Variants in TMEM132C observed in about 807,000 individuals in gnomAD.
The protein encoded by TMEM132C is protein phosphatase 1, regulatory subunit 152.
A neutral mutation model predicts 61.4 loss-of-function variants in TMEM132C; 29 were observed. The ratio of observed to expected loss-of-function variants is 0.47; its 90% CI spans 0.35 to 0.64. TMEM132C has a LOEUF of 0.64. TMEM132C is among the 30% of genes least tolerant of loss of function. The probability of loss-of-function intolerance (pLI) is 0.00; values close to 1 mark genes in which losing one functional copy is unlikely to be tolerated. For missense variants in TMEM132C, 1,408 were observed against 1,476.9 expected, an observed-to-expected ratio of 0.95 and a Z score of 0.76; for synonymous variants, 656 against 633.1, an observed-to-expected ratio of 1.04 and a Z score of -0.54.
intron 2 of TMEM132C, among the ~76,000 whole-genome samples, chr12:128,541,734 G>A (rs1873761142): frequency 6.6e-6 from 1 of 152,208 alleles, no homozygotes; most frequent in Non-Finnish European, 1.5e-5. Context: ...TGCACTTGCT[G>A]ACTTCAGGCT....
rs894093475 is a variant in TMEM132C at position 128,680,328 on chromosome 12, C to T, written c.1449+10768C>T. 3.3e-5 allele frequency among the ~76,000 whole-genome samples: 5 copies of T among 152,162 alleles called. No homozygotes were observed. The East Asian group carries it at 7.7e-4, about 23-fold the overall frequency. On this transcript the variant is annotated intron_variant, in intron 5 of 8. Coordinates refer to ENST00000435159, the MANE Select transcript of TMEM132C (RefSeq NM_001136103.3). ...GCCGCACAGCTGATTAGTAGCAGAGCCAGGATTCGAACTCAGGTCTGCCTG... is the reference window on the plus strand; with the variant it reads ...GCCGCACAGCTGATTAGTAGCAGAGTCAGGATTCGAACTCAGGTCTGCCTG...
intron 1 of TMEM132C, among the ~76,000 whole-genome samples, chr12:128,287,967 C>T (rs1384674937): frequency 6.6e-6 from 1 of 151,820 alleles, no homozygotes; most frequent in Non-Finnish European, 1.5e-5. Context: ...CCCTTCCGGA[C>T]ATTGAGTTCT....
chr12:128,628,064 A>G (rs1954033697), intron 4 of TMEM132C, among the ~76,000 whole-genome samples: 1 of 152,066 alleles, frequency 6.6e-6, no homozygotes, highest in Non-Finnish European at 1.5e-5. Flanking sequence ...CATCTGTGCC[A>G]TCCCTCGAAA....
At chr12:128,531,068 G>A (rs1049684284) in intron 2 of TMEM132C, among the ~76,000 whole-genome samples, 15 of 151,902 alleles carry the variant, frequency 9.9e-5, no homozygotes, top group African/African-American at 3.6e-4. Flanking sequence ...GTTCTTGGGA[G>A]CAAACTTACA....
At chr12:128,624,409 T>C (rs990786020) in intron 4 of TMEM132C, among the ~76,000 whole-genome samples, 2 of 151,954 alleles carry the variant, frequency 1.3e-5, no homozygotes, top group African/African-American at 4.8e-5. Context: ...CTGGACGTGG[T>C]GGCGGGGGCC....
intron 3 of TMEM132C, among the ~76,000 whole-genome samples, chr12:128,600,827 A>G (rs909447390): frequency 1.3e-5 from 2 of 152,134 alleles, no homozygotes; most frequent in Non-Finnish European, 2.9e-5. Flanking sequence ...GGATGGACAA[A>G]TGGATGAATG....
chr12:128,519,099 C>T (rs1872815473), intron 2 of TMEM132C, among the ~76,000 whole-genome samples: 2 of 152,154 alleles, frequency 1.3e-5, no homozygotes, highest in East Asian at 1.9e-4. Context: ...GGGTGTTAAA[C>T]ATAGAAGATA....
At chr12:128,683,916 A>G (rs185533236) in intron 5 of TMEM132C, among the ~76,000 whole-genome samples, 203 of 152,238 alleles carry the variant, frequency 1.3e-3, no homozygotes, top group African/African-American at 4.7e-3. Flanking sequence ...CAGTGAGCCA[A>G]GATTGCGCCA....
Position 128,612,776 on chromosome 12 carries a change from C to T in TMEM132C, c.1122-3376C>T, listed in dbSNP as rs560202941. On this transcript the variant is annotated intron_variant, in intron 3 of 8. Transcript: ENST00000435159. ...AGGTCACCTCACTGCTCACAAAAAT[C>T]ACATAACAATATCTTTCAAGCCAAA... 2.6e-5 allele frequency among the ~76,000 whole-genome samples: 4 copies of T among 152,340 alleles called. No homozygotes were observed. The East Asian group carries it at 7.7e-4, about 29-fold the overall frequency.
intron 1 of TMEM132C, among the ~76,000 whole-genome samples, chr12:128,351,386 A>G (rs1314480171): frequency 6.6e-6 from 1 of 152,192 alleles, no homozygotes; most frequent in Non-Finnish European, 1.5e-5. Context: ...CAATAGGAAG[A>G]CATATATATT....
chr12:128,456,193 G>C (rs1251728266), intron 2 of TMEM132C, among the ~76,000 whole-genome samples: 1 of 151,900 alleles, frequency 6.6e-6, no homozygotes, highest in East Asian at 1.9e-4. Context: ...TTAGTTTCAG[G>C]CAACAGAATC....
At chr12:128,360,157 C>G (rs1166429943) in intron 1 of TMEM132C, among the ~76,000 whole-genome samples, 2 of 152,088 alleles carry the variant, frequency 1.3e-5, no homozygotes, top group African/African-American at 4.8e-5. Flanking sequence ...TCTTGCAGCT[C>G]TGTCATCTAA....
chr12:128,694,177 G>A (rs1954740083), intron 6 of TMEM132C, 143 bp downstream of exon 6: 11 of 1,039,336 alleles, frequency 1.1e-5, no homozygotes, highest in Non-Finnish European at 1.4e-5. Flanking sequence ...AACCCAGCCA[G>A]GCCCAAAAGC....
rs948922559 is a variant in TMEM132C at position 128,705,307 on chromosome 12, A to G, written c.2339A>G (p.Gln780Arg). Residue 780 changes from glutamine (Q) to arginine (R), a missense_variant, in exon 9 of 9, where the codon CAG (glutamine) becomes CGG (arginine). Coordinates refer to ENST00000435159, the MANE Select transcript of TMEM132C (RefSeq NM_001136103.3). ...GACATGACGATCGCCGAGGCCTGCC[A>G]GAAATCTAAACGCAAGAGCATCCTG... The part of the protein sequence containing the change: ...RVDMTIAEAC[Q>R]KSKRKSILAV... 1.9e-5 allele frequency: 29 copies of G among 1,551,220 alleles called. No homozygotes were observed. Among genetic ancestry groups the G allele is most frequent in the Non-Finnish European group, 2.5e-5 (29 of 1,146,784 alleles).
intron 5 of TMEM132C, among the ~76,000 whole-genome samples, chr12:128,675,843 A>AGATG: frequency 9.7e-6 from 1 of 102,910 alleles, no homozygotes; most frequent in Middle Eastern, 5.1e-3. Flanking sequence ...GATAGAAGAT[A>AGATG]GATAGATAGA....
rs370616231 is a variant in TMEM132C, at chr12:128,695,708, A to C, written c.1656-122A>C. ...TAGAGATAGGCTTGGTGCCCCTTGCATGGTCCTGGCGCTCGTGTCTTCAAT... is the reference window on the plus strand; with the variant it reads ...TAGAGATAGGCTTGGTGCCCCTTGCCTGGTCCTGGCGCTCGTGTCTTCAAT... On this transcript the variant is annotated intron_variant, in intron 6 of 8. Transcript: ENST00000435159. 244 of 1,096,402 alleles carry C rather than the reference A, an allele frequency of 2.2e-4. 1 individual carries two copies. The East Asian group carries it at 4.4e-3, about 20-fold the overall frequency. The allele number at this position is 1,096,402 out of a possible 1,614,324, so 67.9% of individuals were successfully genotyped here. A position where few individuals can be genotyped will look rare whatever the true frequency, so the allele number is the denominator to read the frequency against.
chr12:128,564,050 C>T (rs1445683561), intron 3 of TMEM132C, among the ~76,000 whole-genome samples: 1 of 152,206 alleles, frequency 6.6e-6, no homozygotes, highest in Non-Finnish European at 1.5e-5. Context: ...CATAAAGGCA[C>T]CGCAGACCTG....
At chr12:128,685,430 C>T (rs1283611078) in intron 5 of TMEM132C, among the ~76,000 whole-genome samples, 4 of 152,176 alleles carry the variant, frequency 2.6e-5, no homozygotes, top group Admixed American at 6.5e-5. Flanking sequence ...TTTGGCCTGT[C>T]GCTGCCATTG....
At chr12:128,535,081 A>G (rs760676307) in intron 2 of TMEM132C, among the ~76,000 whole-genome samples, 7 of 152,196 alleles carry the variant, frequency 4.6e-5, no homozygotes, top group Non-Finnish European at 7.3e-5. Flanking sequence ...GCTAGGGGCA[A>G]TGGGGACTTT....
Sources: gnomAD v4.1 joint callset for allele counts (sites outside exome capture counted in the v4.1 genomes callset) on GRCh38, gnomAD v4.1.1 for gene constraint, MANE v1.5 for transcripts, NCBI Gene and HGNC (gene_info 2026-07-23, HGNC 2026-07-21) for gene names.